The following NFIL3 variants were observed in gnomAD, a reference collection of about 807,000 sequenced individuals.
NFIL3 encodes nuclear factor, interleukin 3 regulated.
Under a neutral mutation model 10.0 loss-of-function variants are expected in NFIL3, and 5 were observed. The ratio of observed to expected loss-of-function variants is 0.50; its 90% CI spans 0.26 to 1.06. The LOEUF (loss-of-function observed/expected upper bound fraction) is 1.06, where lower values mean the gene tolerates loss of function less well. NFIL3 is among the 50% of genes least tolerant of loss of function. The probability of loss-of-function intolerance (pLI) is 0.13; values close to 1 mark genes in which losing one functional copy is unlikely to be tolerated. For missense variants in NFIL3, 436 were observed against 547.6 expected (o/e 0.80, Z 2.03); for synonymous variants, 202 against 206.5 (o/e 0.98, Z 0.19).
At chr9:91,437,018 A>C in the NFIL3 span, among the ~76,000 whole-genome samples, 3 of 152,304 alleles carry the variant, frequency 2.0e-5, no homozygotes, top group Middle Eastern at 0.01. Context: ...GGAGTGCGCA[A>C]CCTAGATCCC....
the NFIL3 span, among the ~76,000 whole-genome samples, chr9:91,474,964 T>C: frequency 1.3e-5 from 2 of 152,214 alleles, no homozygotes; most frequent in Non-Finnish European, 2.9e-5. Flanking sequence ...CTGGATGGCC[T>C]TGTGGAGCCA....
At chr9:91,431,493 C>T in the NFIL3 span, among the ~76,000 whole-genome samples, 1 of 152,160 alleles carries the variant, frequency 6.6e-6, no homozygotes, top group Admixed American at 6.5e-5. Flanking sequence ...TCTACCATTC[C>T]GTGGAGAGGG....
At chr9:91,431,985 G>A in the NFIL3 span, among the ~76,000 whole-genome samples, 1 of 151,958 alleles carries the variant, frequency 6.6e-6, no homozygotes, top group Non-Finnish European at 1.5e-5. Context: ...AGCTAACTTG[G>A]GTCTTCCTGG....
the NFIL3 span, among the ~76,000 whole-genome samples, chr9:91,470,367 A>G: frequency 7.0e-6 from 1 of 143,616 alleles, no homozygotes; most frequent in Admixed American, 7.0e-5. Context: ...TCTGTGGGAT[A>G]GGTGGTGATA....
In NFIL3 at chr9:91,409,322, G is replaced by T. The variant is rs944572571; in HGVS notation, c.*24C>A. Reference sequence around the variant, plus strand: ...TATTGCAAATGACATCTTTCTAAATGCCCAGCTCTTACTCAGTAGTAATTT... The same window carrying T: ...TATTGCAAATGACATCTTTCTAAATTCCCAGCTCTTACTCAGTAGTAATTT... On this transcript the variant is annotated 3_prime_UTR_variant, in exon 2 of 2. Coordinates refer to ENST00000297689, the MANE Select transcript of NFIL3 (RefSeq NM_005384.3). 1.3e-6 allele frequency: 2 copies of T among 1,527,192 alleles called. No homozygotes were observed. Among genetic ancestry groups the T allele is most frequent in the Non-Finnish European group, 1.8e-6 (2 of 1,140,072 alleles). The allele number at this position is 1,527,192 out of a possible 1,614,324, so 94.6% of individuals were successfully genotyped here. A position where few individuals can be genotyped will look rare whatever the true frequency, so the allele number is the denominator to read the frequency against.
At chr9:91,448,312 A>T in the NFIL3 span, among the ~76,000 whole-genome samples, 1 of 152,208 alleles carries the variant, frequency 6.6e-6, no homozygotes, top group Non-Finnish European at 1.5e-5. Context: ...TTAAACAGTT[A>T]CATTTGATGA....
At chr9:91,437,708 A>C in the NFIL3 span, among the ~76,000 whole-genome samples, 35,885 of 152,082 alleles carry the variant, frequency 0.24, 4,770 homozygotes, top group African/African-American at 0.36. Flanking sequence ...CTTATTCCCT[A>C]TCTCTGTATA....
the NFIL3 span, among the ~76,000 whole-genome samples, chr9:91,444,176 A>G: frequency 7.9e-5 from 12 of 151,484 alleles, no homozygotes; most frequent in Non-Finnish European, 1.3e-4. Flanking sequence ...TCAAGTTCAC[A>G]GAATCTTTCT....
At chr9:91,422,961 C>A (rs1833797131) in intron 1 of NFIL3, among the ~76,000 whole-genome samples, 1 of 152,200 alleles carries the variant, frequency 6.6e-6, no homozygotes, top group South Asian at 2.1e-4. Context: ...CCCACATCAG[C>A]CCGCAATTCT....
rs774674177 is a variant in NFIL3 at position 91,410,562 on chromosome 9, G to T, written c.173C>A (p.Ser58Tyr). ...GAATTCCCGTTTCCTCCGACATGCA[G>T]AAGATTTGTTCTTCCCCACACTTCC... ...SEGSVGKNKS[S>Y]ACRRKREFIP... Residue 58 changes from serine (S) to tyrosine (Y), a missense_variant, in exon 2 of 2, where the codon TCT becomes TAT. By Grantham distance (144) the Ser-to-Tyr change is moderately radical. Coordinates refer to ENST00000297689, the MANE Select transcript of NFIL3 (RefSeq NM_005384.3). This position sits in a 1 kb window ranked among gnomAD's most constrained non-coding sequence, Gnocchi z 5.7. 1 of 1,614,198 alleles carries T rather than the reference G, an allele frequency of 6.2e-7. No individual in the cohort carries two copies. Among genetic ancestry groups the T allele is most frequent in the Non-Finnish European group, 8.5e-7 (1 of 1,180,040 alleles).
intron 1 of NFIL3, among the ~76,000 whole-genome samples, chr9:91,421,898 G>A (rs796584353): frequency 2.2e-4 from 33 of 152,210 alleles, no homozygotes; most frequent in African/African-American, 6.5e-4. Flanking sequence ...TAATCACTAT[G>A]TAACAGTCCA....
chr9:91,461,973 T>C, the NFIL3 span, among the ~76,000 whole-genome samples: 1 of 152,114 alleles, frequency 6.6e-6, no homozygotes, highest in Non-Finnish European at 1.5e-5. Flanking sequence ...CTTAATAACG[T>C]GGATTTGGAA....
At chr9:91,448,743 GTAA>G in the NFIL3 span, among the ~76,000 whole-genome samples, 1 of 142,800 alleles carries the variant, frequency 7.0e-6, no homozygotes, top group Non-Finnish European at 1.5e-5. Flanking sequence ...TCCATATGAA[GTAA>G]AGATTGGCTT....
At chr9:91,439,267 C>T in the NFIL3 span, among the ~76,000 whole-genome samples, 2 of 152,050 alleles carry the variant, frequency 1.3e-5, no homozygotes, top group South Asian at 2.1e-4. Context: ...TCTTTTGATG[C>T]TACTGTAAAT....
chr9:91,474,245 T>C, the NFIL3 span, among the ~76,000 whole-genome samples: 110 of 152,266 alleles, frequency 7.2e-4, no homozygotes, highest in African/African-American at 2.5e-3. Context: ...TGAGGGATTA[T>C]GTTACTTGAT....
At chr9:91,468,946 TGTA>T in the NFIL3 span, among the ~76,000 whole-genome samples, 1 of 152,180 alleles carries the variant, frequency 6.6e-6, no homozygotes, top group African/African-American at 2.4e-5. Context: ...TGTAGCCTTG[TGTA>T]GTTTGAAGTC....
chr9:91,477,761 CAA>C, the NFIL3 span, among the ~76,000 whole-genome samples: 3 of 152,094 alleles, frequency 2.0e-5, no homozygotes, highest in Non-Finnish European at 4.4e-5. Flanking sequence ...ATGAACACAA[CAA>C]AGAGACCCCA....
At chr9:91,432,286 G>A in the NFIL3 span, among the ~76,000 whole-genome samples, 1 of 152,166 alleles carries the variant, frequency 6.6e-6, no homozygotes, top group East Asian at 1.9e-4. Flanking sequence ...CTGTCTTGGG[G>A]CACTGTAGTC....
the NFIL3 span, among the ~76,000 whole-genome samples, chr9:91,437,342 T>A: frequency 1.3e-5 from 2 of 152,252 alleles, no homozygotes. Context: ...CAGGAATACA[T>A]ATATAACAAA....
Sources: gnomAD v4.1 joint callset for allele counts (sites outside exome capture counted in the v4.1 genomes callset) on GRCh38, gnomAD v4.1.1 for gene constraint, Gnocchi (gnomAD v3.1) non-coding constraint, MANE v1.5 for transcripts, NCBI Gene and HGNC (gene_info 2026-07-23, HGNC 2026-07-21) for gene names.